RAPGEF6: variants seen among roughly 807,000 people sequenced by gnomAD.
RAPGEF6 encodes the protein PDZ domain containing guanine nucleotide exchange factor (GEF) 2.
In RAPGEF6, 56 loss-of-function variants were observed where a neutral mutation model predicts 171.4. The observed-to-expected ratio is 0.33, with a 90% CI of 0.26 to 0.41. The LOEUF (loss-of-function observed/expected upper bound fraction) is 0.41, where lower values mean the gene tolerates loss of function less well. RAPGEF6 is among the 10% of genes least tolerant of loss of function. RAPGEF6 has a pLI of 1.00. For missense variants in RAPGEF6, 1,674 were observed against 1,921.4 expected (o/e 0.87, Z 2.41); for synonymous variants, 692 against 650.1 (o/e 1.06, Z -0.98).
intron 1 of RAPGEF6, among the ~76,000 whole-genome samples, chr5:131,618,516 CAG>C (rs1765411090): frequency 6.6e-6 from 1 of 151,942 alleles, no homozygotes; most frequent in South Asian, 2.1e-4. Context: ...CACATGCCTG[CAG>C]ACTCAGCTAC....
rs1361882506 is a variant in RAPGEF6, at chr5:131,469,763, C to G, written c.2239+2824G>C. ...AAAATAACAAAATAATACATACAAA[C>G]AAGGGCAATAGAATACTACAGTCTT... On this transcript the variant is annotated intron_variant, in intron 17 of 27. Coordinates refer to ENST00000509018, the MANE Select transcript of RAPGEF6 (RefSeq NM_016340.6). The G allele has an allele frequency of 5.0e-6, 7 of 1,409,130 alleles. No individual in the cohort carries two copies. In the African/African-American group the frequency reaches 8.7e-5, roughly 17 times the overall value. 87.3% of individuals were successfully genotyped at this position (1,409,130 alleles called of 1,614,324 possible). A position where few individuals can be genotyped will look rare whatever the true frequency, so the allele number is the denominator to read the frequency against.
At chr5:131,537,546 G>A (rs957454355) in intron 6 of RAPGEF6, among the ~76,000 whole-genome samples, 2 of 152,082 alleles carry the variant, frequency 1.3e-5, no homozygotes, top group Non-Finnish European at 2.9e-5. Flanking sequence ...AAAATTGGAA[G>A]CCACGTGAGA....
chr5:131,533,406 G>A (rs952602092), intron 6 of RAPGEF6, among the ~76,000 whole-genome samples: 1 of 151,970 alleles, frequency 6.6e-6, no homozygotes, highest in Non-Finnish European at 1.5e-5. Flanking sequence ...TCCTCCCAAG[G>A]TAAAATTATA....
rs150280459 is a variant in RAPGEF6 at position 131,487,432 on chromosome 5, G to C, written c.1840+2114C>G. ...GTCCATTTTACAGAGTGCTTGATTG[G>C]TCCATTTTACAGAGTGCTAATTGGT... On this transcript the variant is annotated intron_variant, in intron 15 of 27. Transcript: ENST00000509018. Among the ~76,000 whole-genome samples the C allele has an allele frequency of 5.1e-3, 780 of 152,214 alleles. 4 individuals are homozygous for C. Among genetic ancestry groups the C allele is most frequent in the African/African-American group, 0.017 (715 of 41,542 alleles).
At chr5:131,499,581 CAA>C (rs375534138) in intron 11 of RAPGEF6, among the ~76,000 whole-genome samples, 6 of 87,558 alleles carry the variant, frequency 6.9e-5, no homozygotes, top group African/African-American at 2.8e-4. Context: ...GACTTTGTCT[CAA>C]AAAAAAAAAA....
At chr5:131,539,358 A>G (rs1191969096) in intron 6 of RAPGEF6, among the ~76,000 whole-genome samples, 2 of 152,236 alleles carry the variant, frequency 1.3e-5, no homozygotes, top group Non-Finnish European at 2.9e-5. Flanking sequence ...TTTCACTTAA[A>G]CAGTTCAAAT....
intron 4 of RAPGEF6, among the ~76,000 whole-genome samples, chr5:131,571,211 C>A (rs1174615900): frequency 6.6e-6 from 1 of 151,890 alleles, no homozygotes; most frequent in Non-Finnish European, 1.5e-5. Flanking sequence ...CAAAATGCTG[C>A]GATTACAGGT....
chr5:131,605,802 G>A (rs374203324), intron 1 of RAPGEF6, among the ~76,000 whole-genome samples: 7 of 151,944 alleles, frequency 4.6e-5, no homozygotes, highest in Non-Finnish European at 8.8e-5. Context: ...AGGTCGAGGC[G>A]GGCGGAACAT....
intron 1 of RAPGEF6, among the ~76,000 whole-genome samples, chr5:131,617,673 C>T (rs1402989309): frequency 6.6e-6 from 1 of 152,138 alleles, no homozygotes; most frequent in African/African-American, 2.4e-5. Flanking sequence ...GTGGGTGGAT[C>T]ACCTGAGGTC....
At chr5:131,630,243 C>G (rs948119230) in intron 1 of RAPGEF6, among the ~76,000 whole-genome samples, 10 of 151,920 alleles carry the variant, frequency 6.6e-5, no homozygotes, top group Non-Finnish European at 1.3e-4. Context: ...AAGATGACAA[C>G]TAGCTGAAGG....
intron 6 of RAPGEF6, among the ~76,000 whole-genome samples, chr5:131,542,907 T>C (rs1172332890): frequency 6.6e-5 from 10 of 152,202 alleles, no homozygotes; most frequent in Admixed American, 6.5e-4. Flanking sequence ...GTTGGAGAAC[T>C]GAACAAAGTC....
At chr5:131,457,060 T>G (rs949360841) in intron 19 of RAPGEF6, among the ~76,000 whole-genome samples, 1 of 152,140 alleles carries the variant, frequency 6.6e-6, no homozygotes, top group Non-Finnish European at 1.5e-5. Context: ...ACAACAATCC[T>G]TTATTTTATT....
intron 1 of RAPGEF6, among the ~76,000 whole-genome samples, chr5:131,605,431 A>AT (rs2150017235): frequency 6.6e-6 from 1 of 152,368 alleles, no homozygotes; most frequent in Admixed American, 6.5e-5. Context: ...AACATGGCAC[A>AT]TGTATACATA....
At chr5:131,623,780 C>T (rs1015041407) in intron 1 of RAPGEF6, among the ~76,000 whole-genome samples, 16 of 152,142 alleles carry the variant, frequency 1.1e-4, no homozygotes, top group Admixed American at 3.9e-4. Flanking sequence ...CCACTGCGCC[C>T]GGCCTTGATT....
chr5:131,457,830 T>C (rs1440559555), intron 19 of RAPGEF6, among the ~76,000 whole-genome samples: 1 of 151,712 alleles, frequency 6.6e-6, no homozygotes, highest in Non-Finnish European at 1.5e-5. Flanking sequence ...CACCAGCAGA[T>C]GAAAATAGAC....
chr5:131,488,312 TGTGACGG>T (rs1305291642), intron 15 of RAPGEF6, among the ~76,000 whole-genome samples: 1 of 152,228 alleles, frequency 6.6e-6, no homozygotes, highest in Non-Finnish European at 1.5e-5. Context: ...GTAATCTTTA[TGTGACGG>T]GTACAAAAGG....
chr5:131,495,386 T>C lies in RAPGEF6; in HGVS notation c.1527+167A>G, dbSNP rs138870807. ...GAAGGAGTGTAAATGTTGTTTTAAT[T>C]GAGGTGGCAGAGAATAAATGAACAA... is the stretch of plus-strand genomic sequence containing the variant. On this transcript the variant is annotated intron_variant, in intron 13 of 27. Coordinates refer to ENST00000509018, the MANE Select transcript of RAPGEF6 (RefSeq NM_016340.6). 5.3e-4 allele frequency among the ~76,000 whole-genome samples: 80 copies of C among 152,106 alleles called. 2 individuals carry two copies. The East Asian group carries it at 0.012, about 23-fold the overall frequency.
At chr5:131,555,362 C>A (rs960498686) in intron 5 of RAPGEF6, among the ~76,000 whole-genome samples, 1 of 102,878 alleles carries the variant, frequency 9.7e-6, no homozygotes, top group Non-Finnish European at 2.1e-5. Flanking sequence ...ATGAACAACC[C>A]TAGGAAACAC....
chr5:131,474,454 A>G (rs749631700), intron 16 of RAPGEF6, among the ~76,000 whole-genome samples: 11 of 152,208 alleles, frequency 7.2e-5, no homozygotes, highest in Non-Finnish European at 1.5e-4. Context: ...AAAACAATAA[A>G]TAAATAAAAA....
Sources: allele counts gnomAD v4.1 joint callset (sites outside exome capture counted in the v4.1 genomes callset), GRCh38; gene constraint gnomAD v4.1.1; transcripts MANE v1.5; gene names NCBI Gene and HGNC (gene_info 2026-07-23, HGNC 2026-07-21).